Variants in MACROD1 observed in about 807,000 individuals in gnomAD.
MACROD1 encodes the protein ADP-ribose glycohydrolase MACROD1.
Under a neutral mutation model 41.4 loss-of-function variants are expected in MACROD1, and 31 were observed. The ratio of observed to expected loss-of-function variants is 0.75; its 90% CI spans 0.56 to 1.01. The LOEUF (loss-of-function observed/expected upper bound fraction) is 1.01. Ranked by LOEUF, MACROD1 falls within the 50% of genes least tolerant of loss-of-function variation. The pLI, the probability that MACROD1 is intolerant of heterozygous loss-of-function variation, is 0.00. For synonymous variants in MACROD1, 252 were observed against 203.4 expected (o/e 1.24, Z -2.03); for missense variants, 473 against 460.0 (o/e 1.03, Z -0.26).
chr11:64,032,001 A>G (rs897695826), intron 3 of MACROD1, among the ~76,000 whole-genome samples: 2 of 152,124 alleles, frequency 1.3e-5, no homozygotes, highest in African/African-American at 4.8e-5. Flanking sequence ...GAACATCTGC[A>G]ATTTGTCCTT....
chr11:64,066,319 A>G (rs1215764676), intron 3 of MACROD1, among the ~76,000 whole-genome samples: 1 of 144,710 alleles, frequency 6.9e-6, no homozygotes, highest in Non-Finnish European at 1.5e-5. Context: ...AAAAAAAAAA[A>G]GATGAATTTA....
At chr11:64,037,722 C>A (rs1379099859) in intron 3 of MACROD1, among the ~76,000 whole-genome samples, 4 of 152,164 alleles carry the variant, frequency 2.6e-5, no homozygotes, top group African/African-American at 9.7e-5. Context: ...GTAAAAAGCA[C>A]CCTGACCCCA....
chr11:64,038,200 C>T (rs547629393), intron 3 of MACROD1, among the ~76,000 whole-genome samples: 3 of 152,194 alleles, frequency 2.0e-5, no homozygotes, highest in Non-Finnish European at 4.4e-5. Flanking sequence ...CCACTGGTCA[C>T]CCACTGCCAG....
At chr11:64,116,843 C>A (rs1230385221) in intron 3 of MACROD1, 3 of 1,612,806 alleles carry the variant, frequency 1.9e-6, no homozygotes, top group Admixed American at 3.3e-5. Flanking sequence ...TGAGCAGCAT[C>A]CCCTCGGGGC....
intron 3 of MACROD1, among the ~76,000 whole-genome samples, chr11:64,147,137 C>T (rs917690551): frequency 1.3e-5 from 2 of 152,200 alleles, no homozygotes; most frequent in South Asian, 4.1e-4. Context: ...ACAGTCACAG[C>T]TCACTGCAGC....
chr11:64,007,981 A>C (rs1387636196), intron 4 of MACROD1, among the ~76,000 whole-genome samples: 1 of 152,220 alleles, frequency 6.6e-6, no homozygotes, highest in East Asian at 1.9e-4. Context: ...GCCGGAGCTG[A>C]GCCTTTTCCT....
intron 4 of MACROD1, chr11:64,001,336 C>T (rs1211567569): frequency 9.0e-6 from 6 of 667,894 alleles, no homozygotes; most frequent in South Asian, 4.8e-5. Flanking sequence ...GCGTGCTGGC[C>T]GGGAGGACAG....
At chr11:64,100,002 G>A (rs562028729) in intron 3 of MACROD1, among the ~76,000 whole-genome samples, 2 of 152,276 alleles carry the variant, frequency 1.3e-5, no homozygotes, top group Admixed American at 6.5e-5. Context: ...TTTCTCTTGC[G>A]CTGTCTTGGA....
intron 3 of MACROD1, among the ~76,000 whole-genome samples, chr11:64,040,486 C>G (rs2134385505): frequency 6.6e-6 from 1 of 152,298 alleles, no homozygotes; most frequent in African/African-American, 2.4e-5. Context: ...ATCCCCAGCT[C>G]TCTCAGGATT....
At chr11:64,161,568 C>G (rs926263087) in intron 1 of MACROD1, among the ~76,000 whole-genome samples, 1 of 152,214 alleles carries the variant, frequency 6.6e-6, no homozygotes, top group African/African-American at 2.4e-5. Context: ...TCAAGGGCCA[C>G]GGCTCAGACC....
intron 3 of MACROD1, among the ~76,000 whole-genome samples, chr11:64,042,045 G>A (rs540992790): frequency 4.2e-4 from 64 of 152,312 alleles, no homozygotes; most frequent in Admixed American, 1.1e-3. Flanking sequence ...CTCGGGCAGC[G>A]GCCATGGTGG....
At chr11:64,117,163 T>C (rs1421259706) in intron 3 of MACROD1, 3 of 1,613,920 alleles carry the variant, frequency 1.9e-6, no homozygotes, top group Non-Finnish European at 2.5e-6. Flanking sequence ...CTGGAGCGGC[T>C]GGACCTGTCC....
chr11:64,007,984 C>G (rs2134328619), intron 4 of MACROD1, among the ~76,000 whole-genome samples: 1 of 152,376 alleles, frequency 6.6e-6, no homozygotes, highest in South Asian at 2.1e-4. Context: ...GGAGCTGAGC[C>G]TTTTCCTAGC....
chr11:64,157,600 T>C (rs1382402551), intron 1 of MACROD1, among the ~76,000 whole-genome samples: 1 of 152,224 alleles, frequency 6.6e-6, no homozygotes, highest in East Asian at 1.9e-4. Context: ...TGGAGAGGCC[T>C]GACCCCAGAC....
chr11:64,059,601 G>A (rs1301504875), intron 3 of MACROD1, among the ~76,000 whole-genome samples: 1 of 152,166 alleles, frequency 6.6e-6, no homozygotes, highest in Non-Finnish European at 1.5e-5. Flanking sequence ...GTGTGCCTCC[G>A]CAGGGGTCTC....
At chr11:64,030,560 G>A (rs879761400) in intron 3 of MACROD1, among the ~76,000 whole-genome samples, 2 of 152,080 alleles carry the variant, frequency 1.3e-5, no homozygotes, top group Non-Finnish European at 2.9e-5. Flanking sequence ...TCTAAGTCAC[G>A]ATACTATTGT....
At chr11:64,101,533 C>G (rs1293891144) in intron 3 of MACROD1, among the ~76,000 whole-genome samples, 1 of 152,224 alleles carries the variant, frequency 6.6e-6, no homozygotes, top group Admixed American at 6.5e-5. Context: ...GCCCCTGCCC[C>G]ACCCCCATCG....
chr11:64,014,756 T>G (rs500493), intron 4 of MACROD1, among the ~76,000 whole-genome samples: 74,710 of 152,122 alleles, frequency 0.49, 19,996 homozygotes, highest in African/African-American at 0.7. Flanking sequence ...GCCTGGCCCT[T>G]CCAGAACCCC....
chr11:64,094,949 G>T (rs1213188388), intron 3 of MACROD1, among the ~76,000 whole-genome samples: 2 of 152,240 alleles, frequency 1.3e-5, no homozygotes, highest in African/African-American at 4.8e-5. Context: ...AGCCCCGTGT[G>T]CTCCAGGAGT....
Sources: gnomAD v4.1 joint callset for allele counts (sites outside exome capture counted in the v4.1 genomes callset) on GRCh38, gnomAD v4.1.1 for gene constraint, MANE v1.5 for transcripts, NCBI Gene and HGNC (gene_info 2026-07-23, HGNC 2026-07-21) for gene names.